The following CRPPA variants were observed in gnomAD, a reference collection of about 807,000 sequenced individuals.
CRPPA encodes the protein D-ribitol-5-phosphate cytidylyltransferase.
In CRPPA, 43 loss-of-function variants were observed where a neutral mutation model predicts 52.0. The observed-to-expected ratio is 0.83, with a 90% CI of 0.65 to 1.07. CRPPA has a LOEUF of 1.07. CRPPA is among the 50% of genes least tolerant of loss of function. CRPPA has a pLI of 0.00. For synonymous variants in CRPPA, 250 were observed against 203.5 expected, an observed-to-expected ratio of 1.23 and a Z score of -1.94; for missense variants, 629 against 551.7, an observed-to-expected ratio of 1.14 and a Z score of -1.40.
chr7:16,327,180 C>T (rs1785418268), intron 3 of CRPPA, among the ~76,000 whole-genome samples: 1 of 152,164 alleles, frequency 6.6e-6, no homozygotes. Flanking sequence ...ATGGAGATAT[C>T]TTCAACTCAC....
At chr7:16,387,073 A>ACACATATATATATATACG (rs1787302648) in intron 2 of CRPPA, among the ~76,000 whole-genome samples, 1 of 65,096 alleles carries the variant, frequency 1.5e-5, no homozygotes, top group African/African-American at 8.6e-5. Flanking sequence ...ATATATATAT[A>ACACATATATATATATACG]TATATATATA....
chr7:16,277,877 C>A (rs1259363084), intron 6 of CRPPA, among the ~76,000 whole-genome samples: 1 of 152,106 alleles, frequency 6.6e-6, no homozygotes, highest in African/African-American at 2.4e-5. Context: ...CTGGGGAATG[C>A]AGGCATCAGG....
intron 9 of CRPPA, among the ~76,000 whole-genome samples, chr7:16,191,441 T>C (rs1304481326): frequency 6.6e-6 from 1 of 152,074 alleles, no homozygotes; most frequent in African/African-American, 2.4e-5. Flanking sequence ...GAGAGTAAAA[T>C]AGATTTGCAG....
At chr7:16,257,020 A>G (rs1240169781) in intron 8 of CRPPA, among the ~76,000 whole-genome samples, 2 of 152,144 alleles carry the variant, frequency 1.3e-5, no homozygotes, top group African/African-American at 4.8e-5. Flanking sequence ...GGACCATACT[A>G]TTAAACAGAA....
intron 8 of CRPPA, among the ~76,000 whole-genome samples, chr7:16,230,100 A>G (rs1044554385): frequency 6.6e-6 from 1 of 152,068 alleles, no homozygotes; most frequent in African/African-American, 2.4e-5. Context: ...GCATTATTAT[A>G]ATATGTCTTG....
chr7:16,164,710 G>A (rs531124850), intron 9 of CRPPA, among the ~76,000 whole-genome samples: 1 of 152,128 alleles, frequency 6.6e-6, no homozygotes, highest in Non-Finnish European at 1.5e-5. Context: ...CATCCTTTCT[G>A]TTGATGTTGA....
intron 9 of CRPPA, among the ~76,000 whole-genome samples, chr7:16,108,917 G>A (rs1165618499): frequency 1.3e-5 from 2 of 151,712 alleles, no homozygotes; most frequent in Non-Finnish European, 3.0e-5. Flanking sequence ...AAATAGAAAT[G>A]AGAACACAAC....
chr7:16,136,054 T>C (rs1385686985), intron 9 of CRPPA, among the ~76,000 whole-genome samples: 1 of 152,106 alleles, frequency 6.6e-6, no homozygotes, highest in Non-Finnish European at 1.5e-5. Flanking sequence ...TCTCACATTA[T>C]TGGGACTACT....
At chr7:16,109,800 A>C (rs1782224789) in intron 9 of CRPPA, among the ~76,000 whole-genome samples, 2 of 152,052 alleles carry the variant, frequency 1.3e-5, no homozygotes, top group South Asian at 4.1e-4. Context: ...GAATAAACTT[A>C]CTTCAACACA....
intron 3 of CRPPA, among the ~76,000 whole-genome samples, chr7:16,323,751 C>T (rs896807334): frequency 6.6e-5 from 10 of 152,034 alleles, no homozygotes; most frequent in African/African-American, 2.4e-4. Context: ...ATGAACAATC[C>T]ATAGTAAATT....
chr7:16,235,360 A>G (rs1187827876), intron 8 of CRPPA, among the ~76,000 whole-genome samples: 2 of 152,116 alleles, frequency 1.3e-5, no homozygotes, highest in Non-Finnish European at 2.9e-5. Flanking sequence ...CAGAGAGTGC[A>G]TGTCTGTTAA....
chr7:16,378,398 A>C (rs1186840386), intron 2 of CRPPA, among the ~76,000 whole-genome samples: 4 of 151,024 alleles, frequency 2.6e-5, no homozygotes, highest in Admixed American at 2.0e-4. Flanking sequence ...ACTGAGAATG[A>C]TGATTTCCAA....
intron 3 of CRPPA, among the ~76,000 whole-genome samples, chr7:16,345,563 A>C (rs568948933): frequency 6.6e-6 from 1 of 152,310 alleles, no homozygotes; most frequent in African/African-American, 2.4e-5. Flanking sequence ...ATAAATATGC[A>C]ATATATGTGA....
chr7:16,213,713 C>A (rs1465730031), intron 9 of CRPPA, among the ~76,000 whole-genome samples: 1 of 150,350 alleles, frequency 6.7e-6, no homozygotes, highest in African/African-American at 2.5e-5. Context: ...TGTGCCATTG[C>A]GCTCCAGCCT....
At chr7:16,324,053 A>G (rs375295455) in intron 3 of CRPPA, among the ~76,000 whole-genome samples, 5 of 152,218 alleles carry the variant, frequency 3.3e-5, no homozygotes, top group South Asian at 2.1e-4. Context: ...GCGACGTTCT[A>G]TCTTGTGAGA....
chr7:16,235,046 G>T (rs765176777), intron 8 of CRPPA, among the ~76,000 whole-genome samples: 32 of 152,006 alleles, frequency 2.1e-4, no homozygotes, highest in Non-Finnish European at 4.6e-4. Flanking sequence ...GCCAGACCAG[G>T]CCAAGGCTTT....
At chr7:16,224,810 T>C (rs1234068191) in intron 8 of CRPPA, among the ~76,000 whole-genome samples, 1 of 152,174 alleles carries the variant, frequency 6.6e-6, no homozygotes, top group East Asian at 1.9e-4. Flanking sequence ...TTATTTCAAC[T>C]ATTTAAGAAT....
At chr7:16,118,306 G>A (rs1437571513) in intron 9 of CRPPA, among the ~76,000 whole-genome samples, 1 of 152,126 alleles carries the variant, frequency 6.6e-6, no homozygotes. Flanking sequence ...TTCTCACAGG[G>A]AAGAAAGCCA....
At chr7:16,124,712 T>G (rs1651639884) in intron 9 of CRPPA, among the ~76,000 whole-genome samples, 1 of 152,144 alleles carries the variant, frequency 6.6e-6, no homozygotes, top group Admixed American at 6.5e-5. Flanking sequence ...AGAGAGAATT[T>G]TGAATATTCC....
Sources: allele counts gnomAD v4.1 joint callset (sites outside exome capture counted in the v4.1 genomes callset), GRCh38; gene constraint gnomAD v4.1.1; transcripts MANE v1.5; gene names NCBI Gene and HGNC (gene_info 2026-07-23, HGNC 2026-07-21).